ADAMTS18: variants seen among roughly 807,000 people sequenced by gnomAD.
ADAMTS18 encodes A disintegrin and metalloproteinase with thrombospondin motifs 18.
In ADAMTS18, 157 loss-of-function variants were observed where a neutral mutation model predicts 165.9. The observed-to-expected ratio is 0.95, with a 90% confidence interval of 0.83 to 1.08. The LOEUF (loss-of-function observed/expected upper bound fraction) is 1.08, where lower values mean the gene tolerates loss of function less well. Among genes scored for constraint, ADAMTS18 ranks in the 50% least tolerant of loss-of-function variants. The pLI is 0.00. For synonymous variants in ADAMTS18, 782 were observed against 578.2 expected (o/e 1.35, Z -5.06); for missense variants, 2,040 against 1,534.0 (o/e 1.33, Z -5.51).
intron 2 of ADAMTS18, among the ~76,000 whole-genome samples, chr16:77,432,997 T>C (rs374552580): frequency 9.9e-5 from 15 of 152,230 alleles, no homozygotes; most frequent in African/African-American, 3.6e-4. Context: ...CTAAAAATGC[T>C]GTATAATTGA....
chr16:77,328,905 A>C (rs2056140349), intron 12 of ADAMTS18, among the ~76,000 whole-genome samples: 1 of 152,208 alleles, frequency 6.6e-6, no homozygotes, highest in African/African-American at 2.4e-5. Context: ...AAACTTGTTG[A>C]AAGAGGGTCA....
chr16:77,346,182 G>A (rs1367736184), intron 10 of ADAMTS18, among the ~76,000 whole-genome samples: 5 of 152,174 alleles, frequency 3.3e-5, no homozygotes, highest in Non-Finnish European at 7.3e-5. Context: ...CAACCAGTCA[G>A]TCTTCCAATT....
rs1181749178 is a variant in ADAMTS18 at position 77,282,287 on chromosome 16, TTAA to T, written c.*1666_*1668del. The T allele has an allele frequency of 6.6e-6, 1 of 152,120 alleles. No individual in the cohort carries two copies. The highest frequency in any genetic ancestry group is 2.4e-5 in the African/African-American group (1 of 41,446). The allele number at this position is 152,120 out of a possible 1,614,324, so 9.4% of individuals were successfully genotyped here. On this transcript the variant is annotated 3_prime_UTR_variant, in exon 23 of 23. Coordinates refer to ENST00000282849, the MANE Select transcript of ADAMTS18 (RefSeq NM_199355.4). ...GTGAGAACACATAATAGGCTATTAA[TTAA>T]TAAATTAATTTTCCATAAAATAATA...
intron 3 of ADAMTS18, among the ~76,000 whole-genome samples, chr16:77,423,831 T>A (rs1428565299): frequency 6.6e-6 from 1 of 152,168 alleles, no homozygotes; most frequent in East Asian, 1.9e-4. Flanking sequence ...AGTATCAAAG[T>A]GTTCATTTCC....
chr16:77,300,278 C>G lies in ADAMTS18; in HGVS notation c.2659G>C (p.Val887Leu). 1 of 1,614,062 alleles carries G rather than the reference C, an allele frequency of 6.2e-7. No homozygotes were observed. Among genetic ancestry groups the G allele is most frequent in the Non-Finnish European group, 8.5e-7 (1 of 1,179,980 alleles). The change falls in exon 17 of 23, where the codon GTC (valine) becomes CTC (leucine). Residue 887 changes from valine to leucine, a missense_variant. By Grantham distance (32) the Val-to-Leu change is conservative (BLOSUM62 1). Coordinates refer to ENST00000282849, the MANE Select transcript of ADAMTS18 (RefSeq NM_199355.4). ...AATCATCTACCTCCACCACAGGAGA[C>G]GGAGCACTCTGACTGCACGATACTC... ...TWSIVQSECS[V>L]SCGGGYINVK...
At chr16:77,318,648 G>C (rs974253946) in intron 16 of ADAMTS18, among the ~76,000 whole-genome samples, 1 of 152,148 alleles carries the variant, frequency 6.6e-6, no homozygotes, top group African/African-American at 2.4e-5. Context: ...GAAGAGAACA[G>C]TAATCTGAGT....
chr16:77,343,695 T>C (rs992983382), intron 10 of ADAMTS18, among the ~76,000 whole-genome samples: 1 of 152,158 alleles, frequency 6.6e-6, no homozygotes, highest in African/African-American at 2.4e-5. Flanking sequence ...TGGAAGGCTC[T>C]CAAATTCTCC....
chr16:77,432,828 G>A lies in ADAMTS18; in HGVS notation c.179-1217C>T, dbSNP rs111956407. Among the ~76,000 whole-genome samples the A allele has an allele frequency of 9.2e-3, 1,381 of 150,744 alleles. 19 individuals are homozygous for A. The highest frequency in any genetic ancestry group is 0.032 in the African/African-American group (1,319 of 41,144). On this transcript the variant is annotated intron_variant, in intron 2 of 22. Coordinates refer to ENST00000282849, the MANE Select transcript of ADAMTS18 (RefSeq NM_199355.4). ...CTGTAGCTAGCAAAGATCAATGAGT[G>A]ATGGCCTAATTAGGCTCACATTAAA...
intron 3 of ADAMTS18, among the ~76,000 whole-genome samples, chr16:77,376,325 AC>A (rs1567524310): frequency 6.6e-6 from 1 of 152,138 alleles, no homozygotes; most frequent in Non-Finnish European, 1.5e-5. Flanking sequence ...GGGGAAATCC[AC>A]CCCCAAGATC....
chr16:77,312,130 C>T (rs574633674), intron 16 of ADAMTS18, among the ~76,000 whole-genome samples: 9 of 152,226 alleles, frequency 5.9e-5, no homozygotes, highest in Admixed American at 1.3e-4. Context: ...ACTCAAGGTG[C>T]TGTCCGTATT....
intron 21 of ADAMTS18, 65 bp downstream of exon 21, chr16:77,291,201 T>C: frequency 1.3e-6 from 2 of 1,558,272 alleles, no homozygotes; most frequent in Non-Finnish European, 1.8e-6. Context: ...AGCAACTGTT[T>C]GCAGAACGCC....
chr16:77,426,885 G>A (rs910893897), intron 3 of ADAMTS18, among the ~76,000 whole-genome samples: 1 of 152,080 alleles, frequency 6.6e-6, no homozygotes, highest in African/African-American at 2.4e-5. Context: ...GTGGTGGTAC[G>A]TGCCTGTAGT....
chr16:77,294,032 A>G (rs919561300), intron 19 of ADAMTS18, among the ~76,000 whole-genome samples: 1 of 150,826 alleles, frequency 6.6e-6, no homozygotes, highest in Non-Finnish European at 1.5e-5. Flanking sequence ...AATTAATCAG[A>G]AAGCAGCACC....
chr16:77,294,984 T>A lies in ADAMTS18; in HGVS notation c.2945A>T (p.Gln982Leu). 1 of 1,614,144 alleles carries A rather than the reference T, an allele frequency of 6.2e-7. No homozygotes were observed. Among genetic ancestry groups the A allele is most frequent in the South Asian group, 1.1e-5 (1 of 91,082 alleles). ...HSLCPVSTPT[Q>L]VQACNSHACP... ...GGCATGGCTGTTGCAGGCTTGGACC[T>A]GAGTGGGTGTGCTCACTGGACAGAG... Residue 982 changes from glutamine (Q) to leucine (L), a missense_variant, in exon 19 of 23, where the codon CAG (glutamine) becomes CTG (leucine). Coordinates refer to ENST00000282849, the MANE Select transcript of ADAMTS18 (RefSeq NM_199355.4).
chr16:77,293,134 A>T lies in ADAMTS18; in HGVS notation c.3131T>A (p.Val1044Glu), dbSNP rs760500555. 1.9e-6 allele frequency: 3 copies of T among 1,613,946 alleles called. No homozygotes were observed. In the Admixed American group the frequency reaches 5.0e-5, roughly 27 times the overall value. ...GCTGTTCTTGGGGCATCGTCCAAGC[A>T]CACAGCCCTCCTGCAGCTCAGGTCT... is the stretch of plus-strand genomic sequence containing the variant. ...LPRPELQEGC[V>E]LGRCPKNSRL... Residue 1044 changes from valine (V) to glutamate (E), a missense_variant, in exon 20 of 23, where the codon GTG becomes GAG. Val to Glu is a moderately radical substitution (Grantham distance 121, BLOSUM62 -2). Transcript: ENST00000282849.
intron 3 of ADAMTS18, among the ~76,000 whole-genome samples, chr16:77,374,754 C>T (rs1326612053): frequency 6.6e-6 from 1 of 152,118 alleles, no homozygotes; most frequent in South Asian, 2.1e-4. Flanking sequence ...ACTGAGAAAG[C>T]AATTTAAAAA....
chr16:77,367,324 A>C (rs2056809489), intron 4 of ADAMTS18, 117 bp downstream of exon 4: 1 of 1,145,096 alleles, frequency 8.7e-7, no homozygotes, highest in African/African-American at 1.5e-5. Flanking sequence ...TCCTACACCA[A>C]GACAGATGCT....
At chr16:77,403,999 TCCTCCCTCCCTC>T (rs71137814) in intron 3 of ADAMTS18, among the ~76,000 whole-genome samples, 1 of 139,714 alleles carries the variant, frequency 7.2e-6, no homozygotes, top group Admixed American at 7.4e-5. Flanking sequence ...AACCCACCCT[TCCTCCCTCCCTC>T]CCTCCCTCCC....
chr16:77,315,273 G>A (rs1239755868), intron 16 of ADAMTS18, among the ~76,000 whole-genome samples: 2 of 152,156 alleles, frequency 1.3e-5, no homozygotes, highest in Admixed American at 6.5e-5. Context: ...GGCACTTAGT[G>A]GGTTTCTCTG....
Sources: allele counts gnomAD v4.1 joint callset (sites outside exome capture counted in the v4.1 genomes callset), GRCh38; gene constraint gnomAD v4.1.1; transcripts MANE v1.5; gene names NCBI Gene and HGNC (gene_info 2026-07-23, HGNC 2026-07-21).